The following PTPRG variants were observed in gnomAD, a reference collection of about 807,000 sequenced individuals.
The protein encoded by PTPRG is receptor-type tyrosine-protein phosphatase gamma.
Under a neutral mutation model 165.3 loss-of-function variants are expected in PTPRG, and 102 were observed. The observed-to-expected ratio is 0.62, with a 90% CI of 0.53 to 0.73. The LOEUF (loss-of-function observed/expected upper bound fraction) is 0.73, where lower values mean the gene tolerates loss of function less well. Ranked by LOEUF, PTPRG falls within the 30% of genes least tolerant of loss-of-function variation. The pLI is 0.00. For missense variants in PTPRG, 1,866 were observed against 1,861.4 expected, an observed-to-expected ratio of 1.00 and a Z score of -0.05; for synonymous variants, 675 against 669.5, an observed-to-expected ratio of 1.01 and a Z score of -0.13.
At chr3:61,986,740 G>T (rs1308121225) in intron 2 of PTPRG, among the ~76,000 whole-genome samples, 3 of 152,124 alleles carry the variant, frequency 2.0e-5, no homozygotes, top group African/African-American at 4.8e-5. Context: ...GGATCTTGCT[G>T]CCAAAATACA....
intron 2 of PTPRG, among the ~76,000 whole-genome samples, chr3:61,982,673 C>T (rs2040667710): frequency 6.6e-6 from 1 of 152,118 alleles, no homozygotes; most frequent in Non-Finnish European, 1.5e-5. Flanking sequence ...CATCTTTACT[C>T]TTTTTAATAC....
intron 5 of PTPRG, among the ~76,000 whole-genome samples, chr3:62,119,825 G>A (rs1250109069): frequency 6.8e-6 from 1 of 147,938 alleles, no homozygotes; most frequent in Non-Finnish European, 1.5e-5. Context: ...TAGTAGAGGC[G>A]GGGTTTCACC....
intron 1 of PTPRG, among the ~76,000 whole-genome samples, chr3:61,586,834 G>A (rs1228249848): frequency 6.6e-6 from 1 of 152,216 alleles, no homozygotes; most frequent in Admixed American, 6.5e-5. Context: ...GGGCTACCGT[G>A]TTCTCTCCCT....
chr3:62,024,902 G>C (rs2041772042), intron 4 of PTPRG, among the ~76,000 whole-genome samples: 1 of 152,150 alleles, frequency 6.6e-6, no homozygotes, highest in African/African-American at 2.4e-5. Context: ...CAGATAATGG[G>C]AAATTATTTA....
chr3:61,562,552 C>CA (rs146855048), intron 1 of PTPRG, among the ~76,000 whole-genome samples, 180 bp downstream of exon 1: 2,060 of 148,530 alleles, frequency 0.014, 52 homozygotes, highest in African/African-American at 0.047. Context: ...TTTAGGGAGG[C>CA]AGGCTAGTGG....
chr3:61,878,013 T>C (rs2037791001), intron 2 of PTPRG, among the ~76,000 whole-genome samples: 1 of 152,224 alleles, frequency 6.6e-6, no homozygotes, highest in Non-Finnish European at 1.5e-5. Flanking sequence ...GTGAGAGAAG[T>C]ACTTCCTGAG....
In PTPRG at chr3:62,190,369, A is replaced by G. The variant is rs1439480875; in HGVS notation, c.1034-1100A>G. On this transcript the variant is annotated intron_variant, in intron 8 of 29. Coordinates refer to ENST00000474889, the MANE Select transcript of PTPRG (RefSeq NM_002841.4). This position sits in a 1 kb window ranked among gnomAD's most constrained non-coding sequence, Gnocchi z 5.2. Reference sequence around the variant, plus strand: ...CCTGCCCTGGACCATCAGCTCCATGAAGGCAGGCAGCACGGCCACACGGGT... The same window carrying G: ...CCTGCCCTGGACCATCAGCTCCATGGAGGCAGGCAGCACGGCCACACGGGT... Among the ~76,000 whole-genome samples, 2 of 152,202 alleles carry G rather than the reference A, an allele frequency of 1.3e-5. No homozygotes were observed. The highest frequency in any genetic ancestry group is 2.9e-5 in the Non-Finnish European group (2 of 68,030).
At chr3:62,078,020 A>T in intron 4 of PTPRG, 143 bp from the exon 5 acceptor site, 1 of 543,368 alleles carries the variant, frequency 1.8e-6, no homozygotes, top group Non-Finnish European at 3.2e-6. Context: ...AAAAAAAGTT[A>T]GCAAAGGAAA....
rs781276396 is a variant in PTPRG at position 62,267,465 on chromosome 3, C to G, written c.2712C>G (p.Ser904Arg). The part of the protein sequence containing the change: ...RPLPGKDSKH[S>R]DYINANYVDG... ...TACCAGGAAAAGACTCTAAGCACAG[C>G]GACTACATTAATGCAAACTATGTTG... Residue 904 changes from serine to arginine, a missense_variant, in exon 18 of 30, where the codon AGC becomes AGG. Coordinates refer to ENST00000474889, the MANE Select transcript of PTPRG (RefSeq NM_002841.4). 11 of 1,611,596 alleles carry G rather than the reference C, an allele frequency of 6.8e-6. No homozygotes were observed. Among genetic ancestry groups the G allele is most frequent in the African/African-American group, 1.3e-5 (1 of 74,790 alleles).
At chr3:61,737,905 G>A (rs985772914) in intron 1 of PTPRG, among the ~76,000 whole-genome samples, 2 of 79,648 alleles carry the variant, frequency 2.5e-5, no homozygotes, top group African/African-American at 1.1e-4. Context: ...GATATGCTGA[G>A]GTTTTTTTGT....
chr3:61,925,946 A>G (rs752962914), intron 2 of PTPRG: 11 of 480,822 alleles, frequency 2.3e-5, no homozygotes, highest in South Asian at 1.4e-4. Flanking sequence ...GCTCCTGGCT[A>G]TTCCTAGCCT....
chr3:62,146,785 G>A (rs1011249131), intron 6 of PTPRG, among the ~76,000 whole-genome samples: 3 of 152,122 alleles, frequency 2.0e-5, no homozygotes, highest in Non-Finnish European at 2.9e-5. Flanking sequence ...GAAAGCATCC[G>A]TAGACAATGC....
chr3:61,637,980 C>T lies in PTPRG; in HGVS notation c.85+75608C>T, dbSNP rs941646564. ...ATCTTAGCATGATAATCGGATTCCA[C>T]TTATCACTTGGAACTGTGACTCACT... On this transcript the variant is annotated intron_variant, in intron 1 of 29. Coordinates refer to ENST00000474889, the MANE Select transcript of PTPRG (RefSeq NM_002841.4). Among the ~76,000 whole-genome samples, 10 of 152,276 alleles carry T rather than the reference C, an allele frequency of 6.6e-5. No individual in the cohort carries two copies. The South Asian group carries it at 1.9e-3, about 28-fold the overall frequency.
chr3:62,100,426 C>G (rs922693522), intron 5 of PTPRG, among the ~76,000 whole-genome samples: 1 of 151,904 alleles, frequency 6.6e-6, no homozygotes, highest in Non-Finnish European at 1.5e-5. Flanking sequence ...TCCTTGTGGC[C>G]GAATGAAAAC....
chr3:61,880,479 G>T (rs12637008), intron 2 of PTPRG, among the ~76,000 whole-genome samples: 3 of 151,970 alleles, frequency 2.0e-5, no homozygotes, highest in Admixed American at 2.0e-4. Flanking sequence ...AATTAGCTGG[G>T]TGTGTTGGTG....
intron 4 of PTPRG, among the ~76,000 whole-genome samples, chr3:62,036,378 CT>C (rs1233092802): frequency 6.6e-6 from 1 of 152,184 alleles, no homozygotes; most frequent in Non-Finnish European, 1.5e-5. Flanking sequence ...TCCTCTTTTT[CT>C]TCCCAGCTTC....
chr3:62,037,742 G>A (rs1016544137), intron 4 of PTPRG, among the ~76,000 whole-genome samples: 1 of 152,108 alleles, frequency 6.6e-6, no homozygotes, highest in African/African-American at 2.4e-5. Context: ...CTGAGGTGAG[G>A]GCTGGAAAGG....
intron 1 of PTPRG, among the ~76,000 whole-genome samples, chr3:61,733,384 GT>G (rs2032593079): frequency 6.6e-6 from 1 of 152,108 alleles, no homozygotes; most frequent in East Asian, 1.9e-4. Context: ...TCTCTGTCAT[GT>G]GCCATGTGAC....
chr3:61,728,519 G>A (rs976950500), intron 1 of PTPRG, among the ~76,000 whole-genome samples: 8 of 152,012 alleles, frequency 5.3e-5, no homozygotes, highest in African/African-American at 1.5e-4. Flanking sequence ...GGAGTTAGAG[G>A]CTGCAGTGAT....
Sources: allele counts gnomAD v4.1 joint callset (sites outside exome capture counted in the v4.1 genomes callset), GRCh38; gene constraint gnomAD v4.1.1; non-coding constraint Gnocchi (gnomAD v3.1); transcripts MANE v1.5; gene names NCBI Gene and HGNC (gene_info 2026-07-23, HGNC 2026-07-21).